The following CCDC15 variants were observed in gnomAD, a reference collection of about 807,000 sequenced individuals.
CCDC15 encodes coiled-coil domain containing 15, also known as coiled-coil domain-containing protein 15.
A neutral mutation model predicts 114.5 loss-of-function variants in CCDC15; 105 were observed. The observed-to-expected ratio is 0.92, with a 90% CI of 0.78 to 1.08. The LOEUF (loss-of-function observed/expected upper bound fraction) is 1.08, where lower values mean the gene tolerates loss of function less well. Ranked by LOEUF, CCDC15 falls within the 50% of genes least tolerant of loss-of-function variation. The pLI is 0.00. For missense variants in CCDC15, 1,105 were observed against 1,093.6 expected (o/e 1.01, Z -0.15); for synonymous variants, 334 against 377.8 (o/e 0.88, Z 1.34).
At chr11:125,032,560 C>T (rs1365551136) in intron 13 of CCDC15, among the ~76,000 whole-genome samples, 2 of 152,180 alleles carry the variant, frequency 1.3e-5, no homozygotes, top group Non-Finnish European at 2.9e-5. Context: ...CTGCATCTTT[C>T]GAGTCCTTAT....
At chr11:124,998,587 T>C (rs1948415372) in intron 11 of CCDC15, among the ~76,000 whole-genome samples, 1 of 152,168 alleles carries the variant, frequency 6.6e-6, no homozygotes, top group African/African-American at 2.4e-5. Flanking sequence ...TAAGTAAATG[T>C]AGAAGCTTTA....
At chr11:124,973,558 A>G (rs1947921400) in intron 4 of CCDC15, among the ~76,000 whole-genome samples, 1 of 151,992 alleles carries the variant, frequency 6.6e-6, no homozygotes, top group Non-Finnish European at 1.5e-5. Context: ...GATGTGCTGT[A>G]AAAAAATCTG....
chr11:124,980,285 G>A (rs114846673), intron 6 of CCDC15, among the ~76,000 whole-genome samples: 2,192 of 152,210 alleles, frequency 0.014, 55 homozygotes, highest in African/African-American at 0.049. Context: ...TGGCCTTGTA[G>A]AATAAGTTAG....
At chr11:125,027,835 T>G (rs1948714816) in intron 13 of CCDC15, among the ~76,000 whole-genome samples, 1 of 152,122 alleles carries the variant, frequency 6.6e-6, no homozygotes, top group Admixed American at 6.6e-5. Context: ...ACAGTTTTTT[T>G]GATGTTATCT....
In CCDC15 at chr11:124,954,826, C is replaced by A. The variant is rs560591453; in HGVS notation, c.94C>A (p.Leu32Met). 3.5e-5 allele frequency: 57 copies of A among 1,614,006 alleles called. No homozygotes were observed. The South Asian group carries it at 5.9e-4, about 17-fold the overall frequency. Residue 32 changes from leucine (L) to methionine (M), a missense_variant, in exon 2 of 16, where the codon CTG becomes ATG. Coordinates refer to ENST00000344762, the MANE Select transcript of CCDC15 (RefSeq NM_025004.3). ...GAAGAGCAAGGACGTGTTGGCAGTG[C>A]TGGCTGAGAGGAACGAGGCTATAGT... ...PLKSKDVLAV[L>M]AERNEAIVPV...
intron 4 of CCDC15, among the ~76,000 whole-genome samples, chr11:124,973,238 A>T (rs1947913503): frequency 6.6e-6 from 1 of 152,174 alleles, no homozygotes; most frequent in African/African-American, 2.4e-5. Context: ...GAAAATTCTG[A>T]ATCCCTATTT....
intron 11 of CCDC15, among the ~76,000 whole-genome samples, chr11:124,997,582 C>G (rs576898959): frequency 6.6e-6 from 1 of 152,168 alleles, no homozygotes; most frequent in South Asian, 2.1e-4. Context: ...AGCCACTGCT[C>G]CTGGCCATCA....
At chr11:124,972,111 T>C (rs1435359109) in intron 4 of CCDC15, among the ~76,000 whole-genome samples, 1 of 152,180 alleles carries the variant, frequency 6.6e-6, no homozygotes, top group Admixed American at 6.5e-5. Flanking sequence ...TCTGGAGTTA[T>C]ATTGATTTTT....
chr11:125,022,555 C>T (rs1948668407), intron 13 of CCDC15, among the ~76,000 whole-genome samples: 1 of 151,852 alleles, frequency 6.6e-6, no homozygotes, highest in Non-Finnish European at 1.5e-5. Flanking sequence ...TTCACAAATA[C>T]CATCTCTTGT....
intron 13 of CCDC15, among the ~76,000 whole-genome samples, chr11:125,033,089 A>G (rs1265581076): frequency 6.6e-6 from 1 of 152,186 alleles, no homozygotes; most frequent in Non-Finnish European, 1.5e-5. Context: ...CTTCCCCTTC[A>G]TTCAAGAGGT....
chr11:124,987,205 G>A lies in CCDC15; in HGVS notation c.979G>A (p.Asp327Asn). 2 of 1,535,600 alleles carry A rather than the reference G, an allele frequency of 1.3e-6. No homozygotes were observed. The highest frequency in any genetic ancestry group is 2.2e-5 in the Admixed American group (1 of 45,064). The change falls in exon 8 of 16, where the codon GAT becomes AAT. Residue 327 changes from aspartate (D) to asparagine (N), a missense_variant. Coordinates refer to ENST00000344762, the MANE Select transcript of CCDC15 (RefSeq NM_025004.3). The stretch of plus-strand genomic sequence containing the variant: ...GCAGTTACATTTTGAGGGCCTTCAG[G>A]ATATTCTGCCAGAAGCCCAGGATTA... ...QKQLHFEGLQ[D>N]ILPEAQDYFL...
At position 125,032,789 on chromosome 11, in the gene CCDC15, G is replaced by A. The variant is rs573602235; in HGVS notation, c.2412-5642G>A. Among the ~76,000 whole-genome samples the A allele has an allele frequency of 4.6e-5, 7 of 152,098 alleles. No homozygotes were observed. In the South Asian group the frequency reaches 6.2e-4, roughly 14 times the overall value. ...GGGAAATGACCACAGGATGAGTCTG[G>A]GGACCCACTGGACCCACTGTAAGTC... On this transcript the variant is annotated intron_variant, in intron 13 of 15. Coordinates refer to ENST00000344762, the MANE Select transcript of CCDC15 (RefSeq NM_025004.3).
chr11:125,023,213 A>G (rs1181011621), intron 13 of CCDC15, among the ~76,000 whole-genome samples: 1 of 151,910 alleles, frequency 6.6e-6, no homozygotes, highest in Non-Finnish European at 1.5e-5. Flanking sequence ...TTGTACGAGG[A>G]TACCCATTTG....
chr11:124,987,794 T>C lies in CCDC15; in HGVS notation c.1568T>C (p.Ile523Thr). Residue 523 changes from isoleucine (I) to threonine (T), a missense_variant, in exon 8 of 16, where the codon ATT (isoleucine) becomes ACT (threonine). Transcript: ENST00000344762. ...CATGTTCTCCCCAAAGACCAGAATA[T>C]TCTACCTAAATATCAAGGCCAGGAT... ...DQHVLPKDQN[I>T]LPKYQGQDFL... 2 of 1,605,476 alleles carry C rather than the reference T, an allele frequency of 1.2e-6. No homozygotes were observed. Among genetic ancestry groups the C allele is most frequent in the Non-Finnish European group, 8.5e-7 (1 of 1,173,710 alleles).
chr11:125,040,476 A>G, intron 15 of CCDC15, 114 bp from the exon 16 acceptor site: 1 of 907,590 alleles, frequency 1.1e-6, no homozygotes, highest in East Asian at 2.7e-5. Flanking sequence ...ATATTTATTC[A>G]ATAGATAGTT....
At chr11:125,025,311 CT>C (rs1382392962) in intron 13 of CCDC15, among the ~76,000 whole-genome samples, 1 of 150,772 alleles carries the variant, frequency 6.6e-6, no homozygotes, top group Non-Finnish European at 1.5e-5. Context: ...ATTTGCTAAA[CT>C]TTTGTGTAGA....
Position 125,040,582 on chromosome 11 carries a change from T to A in CCDC15, c.2735-8T>A. On this transcript the variant is annotated splice_polypyrimidine_tract_variant and splice_region_variant and intron_variant, in intron 15 of 15. Coordinates refer to ENST00000344762, the MANE Select transcript of CCDC15 (RefSeq NM_025004.3). ...TTTATTCATTGCTGTGCAAACCTTT[T>A]TTTGCAGCATATACTCGGGCACTAC... 6.2e-7 allele frequency: 1 copy of A among 1,601,306 alleles called. No homozygotes were observed. The highest frequency in any genetic ancestry group is 8.5e-7 in the Non-Finnish European group (1 of 1,173,256).
At chr11:124,969,445 G>A (rs1947842317) in intron 4 of CCDC15, among the ~76,000 whole-genome samples, 1 of 152,140 alleles carries the variant, frequency 6.6e-6, no homozygotes, top group Non-Finnish European at 1.5e-5. Flanking sequence ...AAGAACAACT[G>A]ATCATTGTTT....
At chr11:124,970,917 C>G (rs1947866682) in intron 4 of CCDC15, among the ~76,000 whole-genome samples, 1 of 152,128 alleles carries the variant, frequency 6.6e-6, no homozygotes, top group Admixed American at 6.5e-5. Context: ...CAAAGAAGTG[C>G]TTTTGCTAAT....
Sources: allele counts gnomAD v4.1 joint callset (sites outside exome capture counted in the v4.1 genomes callset), GRCh38; gene constraint gnomAD v4.1.1; transcripts MANE v1.5; gene names NCBI Gene and HGNC (gene_info 2026-07-23, HGNC 2026-07-21).